SLC35F3: variants seen among roughly 807,000 people sequenced by gnomAD.
SLC35F3 encodes the protein putative thiamine transporter SLC35F3.
Under a neutral mutation model 49.9 loss-of-function variants are expected in SLC35F3, and 25 were observed. The ratio of observed to expected loss-of-function variants is 0.50; its 90% CI spans 0.37 to 0.70. SLC35F3 has a LOEUF of 0.70. Ranked by LOEUF, SLC35F3 falls within the 30% of genes least tolerant of loss-of-function variation. The pLI is 0.00. For missense variants in SLC35F3, 525 were observed against 639.8 expected (o/e 0.82, Z 1.94); for synonymous variants, 275 against 265.4 (o/e 1.04, Z -0.35).
rs1047635887 is a variant in SLC35F3, at chr1:234,021,169, G to T, written c.283+115411G>T. 2.0e-5 allele frequency among the ~76,000 whole-genome samples: 3 copies of T among 151,444 alleles called. No individual in the cohort carries two copies. In the East Asian group the frequency reaches 5.8e-4, roughly 29 times the overall value. ...AGAGCTTGTGACCCTAGGAGACATT[G>T]CCCCGCCCCCAGCAGGCTCCAGACC... is the stretch of plus-strand genomic sequence containing the variant. On this transcript the variant is annotated intron_variant, in intron 2 of 7. Transcript: ENST00000366618.
intron 2 of SLC35F3, among the ~76,000 whole-genome samples, chr1:234,171,973 C>G (rs1572080159): frequency 6.6e-6 from 1 of 152,218 alleles, no homozygotes; most frequent in East Asian, 1.9e-4. Flanking sequence ...CCCTACTTCC[C>G]CAACCCCAGA....
intron 2 of SLC35F3, among the ~76,000 whole-genome samples, chr1:233,913,921 TAC>T (rs1354547081): frequency 6.6e-6 from 1 of 152,078 alleles, no homozygotes; most frequent in Non-Finnish European, 1.5e-5. Context: ...CCCAGGGAAA[TAC>T]AGAAAATGTA....
At chr1:234,321,837 G>C (rs1657627207) in intron 7 of SLC35F3, among the ~76,000 whole-genome samples, 1 of 152,034 alleles carries the variant, frequency 6.6e-6, no homozygotes, top group Admixed American at 6.6e-5. Flanking sequence ...GGACTGGCTG[G>C]TTGGCTCTCC....
chr1:233,945,901 G>T (rs1662506308), intron 2 of SLC35F3, among the ~76,000 whole-genome samples: 1 of 152,210 alleles, frequency 6.6e-6, no homozygotes. Context: ...TATTAGCACA[G>T]TGAGAACAGA....
At chr1:234,150,133 T>C (rs1282917947) in intron 2 of SLC35F3, among the ~76,000 whole-genome samples, 1 of 152,176 alleles carries the variant, frequency 6.6e-6, no homozygotes, top group East Asian at 1.9e-4. Flanking sequence ...TGAAAACTTC[T>C]AGGAAACTAG....
At position 234,048,407 on chromosome 1, in the gene SLC35F3, A is replaced by T. The variant is rs149451679; in HGVS notation, c.283+142649A>T. On this transcript the variant is annotated intron_variant, in intron 2 of 7. Transcript: ENST00000366618. ...AGAAGCCAGGGATAGAGATGAGATT[A>T]TACTGGCAGAGACACTGTCAGTATG... is the stretch of plus-strand genomic sequence containing the variant. Among the ~76,000 whole-genome samples, 437 of 152,330 alleles carry T rather than the reference A, an allele frequency of 2.9e-3. 1 individual carries two copies. Among genetic ancestry groups the T allele is most frequent in the African/African-American group, 0.01 (427 of 41,588 alleles).
At chr1:234,197,778 A>G (rs1250260307) in intron 2 of SLC35F3, among the ~76,000 whole-genome samples, 1 of 152,252 alleles carries the variant, frequency 6.6e-6, no homozygotes, top group African/African-American at 2.4e-5. Context: ...ACCTTAACTC[A>G]ATAACATCAA....
intron 3 of SLC35F3, among the ~76,000 whole-genome samples, chr1:234,249,581 G>T (rs1044997322): frequency 5.9e-5 from 9 of 152,186 alleles, no homozygotes; most frequent in Admixed American, 5.9e-4. Flanking sequence ...TGGGGCAGGG[G>T]TCCTATGGGA....
At chr1:234,315,546 A>G (rs1479915479) in intron 4 of SLC35F3, among the ~76,000 whole-genome samples, 1 of 152,244 alleles carries the variant, frequency 6.6e-6, no homozygotes, top group African/African-American at 2.4e-5. Flanking sequence ...TCATGTCTAC[A>G]AAATGAGGTG....
intron 3 of SLC35F3, among the ~76,000 whole-genome samples, chr1:234,240,559 C>T (rs1667537380): frequency 6.6e-6 from 1 of 151,690 alleles, no homozygotes; most frequent in Non-Finnish European, 1.5e-5. Flanking sequence ...GAGCCAAGAT[C>T]ATGCCGCTGC....
intron 2 of SLC35F3, among the ~76,000 whole-genome samples, chr1:234,099,566 C>T (rs542084136): frequency 6.1e-5 from 9 of 147,000 alleles, no homozygotes; most frequent in Middle Eastern, 3.5e-3. Flanking sequence ...GCTGAGATCG[C>T]GCCACTGCAC....
At chr1:234,170,111 C>T (rs912157730) in intron 2 of SLC35F3, among the ~76,000 whole-genome samples, 22 of 152,208 alleles carry the variant, frequency 1.4e-4, no homozygotes, top group Admixed American at 7.9e-4. Context: ...TCCAGCCCCA[C>T]TCTCTCAGCC....
chr1:234,195,305 C>T (rs981226905), intron 2 of SLC35F3, among the ~76,000 whole-genome samples: 11 of 152,184 alleles, frequency 7.2e-5, no homozygotes, highest in African/African-American at 2.2e-4. Flanking sequence ...CATCTGAGTA[C>T]GGCATTGCCC....
chr1:234,185,024 A>G (rs1042347395), intron 2 of SLC35F3, among the ~76,000 whole-genome samples: 2 of 152,248 alleles, frequency 1.3e-5, no homozygotes, highest in Non-Finnish European at 2.9e-5. Context: ...AGTCCCTGCG[A>G]AAAAGCAACC....
intron 2 of SLC35F3, among the ~76,000 whole-genome samples, chr1:233,941,945 T>G (rs1662429385): frequency 8.2e-6 from 1 of 121,596 alleles, no homozygotes. Context: ...CCTCTTGGGG[T>G]TGTTTTTTGT....
intron 3 of SLC35F3, chr1:234,268,905 C>G (rs1039270821): frequency 6.6e-6 from 1 of 152,198 alleles, no homozygotes; most frequent in Non-Finnish European, 1.5e-5. Context: ...TGTTTGAGGC[C>G]TGCACACCTA....
intron 2 of SLC35F3, among the ~76,000 whole-genome samples, chr1:233,947,630 G>A (rs866703809): frequency 8.7e-5 from 13 of 149,940 alleles, no homozygotes; most frequent in African/African-American, 2.4e-4. Flanking sequence ...AAAAAACAGG[G>A]CTGGAAACAG....
Position 234,140,002 on chromosome 1 carries a change from A to AATAAAAAAAATAAAAT in SLC35F3, c.284-91415_284-91414insATAAAAAAAATAAAAT. Among the ~76,000 whole-genome samples, 4 of 105,366 alleles carry AATAAAAAAAATAAAAT rather than the reference A, an allele frequency of 3.8e-5. 1 individual carries two copies. The highest frequency in any genetic ancestry group is 7.1e-5 in the Non-Finnish European group (3 of 42,148). The allele number at this position is 105,366 out of a possible 152,430, so 69.1% of individuals were successfully genotyped here. A position where few individuals can be genotyped will look rare whatever the true frequency, so the allele number is the denominator to read the frequency against. On this transcript the variant is annotated intron_variant, in intron 2 of 7. Transcript: ENST00000366618. ...AATAAAATAAAATAAAATAAAATAA[A>AATAAAAAAAATAAAAT]GTAAGTGACTTGAACACAAGTACTG... is the stretch of plus-strand genomic sequence containing the variant.
intron 2 of SLC35F3, among the ~76,000 whole-genome samples, chr1:234,188,964 G>A (rs552853143): frequency 5.9e-5 from 9 of 152,112 alleles, no homozygotes; most frequent in African/African-American, 1.4e-4. Flanking sequence ...AATTACTACC[G>A]TTCGGCTCTC....
Sources: allele counts gnomAD v4.1 joint callset (sites outside exome capture counted in the v4.1 genomes callset), GRCh38; gene constraint gnomAD v4.1.1; transcripts MANE v1.5; gene names NCBI Gene and HGNC (gene_info 2026-07-23, HGNC 2026-07-21).